Variants in SIPA1L2 observed in about 807,000 individuals in gnomAD.
SIPA1L2 encodes signal induced proliferation associated 1 like 2.
Under a neutral mutation model 163.9 loss-of-function variants are expected in SIPA1L2, and 56 were observed. That is an observed-to-expected ratio of 0.34 (90% CI 0.28 to 0.43). The LOEUF (loss-of-function observed/expected upper bound fraction) is 0.43. Ranked by LOEUF, SIPA1L2 falls within the 20% of genes least tolerant of loss-of-function variation. The probability of loss-of-function intolerance (pLI) is 1.00; values close to 1 mark genes in which losing one functional copy is unlikely to be tolerated. For synonymous variants in SIPA1L2, 877 were observed against 865.7 expected (o/e 1.01, Z -0.23); for missense variants, 1,974 against 2,193.5 (o/e 0.90, Z 2.00).
intron 1 of SIPA1L2, among the ~76,000 whole-genome samples, chr1:232,585,309 ACT>A (rs1660599405): frequency 6.6e-6 from 1 of 152,140 alleles, no homozygotes; most frequent in Admixed American, 6.6e-5. Flanking sequence ...CTGGAGGCTT[ACT>A]CTTATTTTCT....
intron 19 of SIPA1L2, among the ~76,000 whole-genome samples, chr1:232,414,863 T>A (rs1661157652): frequency 6.6e-6 from 1 of 152,210 alleles, no homozygotes; most frequent in Non-Finnish European, 1.5e-5. Flanking sequence ...TCTACCTTTA[T>A]CTGCGAGCTG....
intron 16 of SIPA1L2, among the ~76,000 whole-genome samples, chr1:232,429,608 TAAAA>T (rs35262191): frequency 1.5e-5 from 2 of 137,768 alleles, no homozygotes; most frequent in African/African-American, 2.7e-5. Context: ...ATAGTGGCTG[TAAAA>T]AAAAAAAAAA....
At chr1:232,409,582 G>T (rs1660832296) in intron 19 of SIPA1L2, among the ~76,000 whole-genome samples, 1 of 152,168 alleles carries the variant, frequency 6.6e-6, no homozygotes. Flanking sequence ...CAGGCCTTAA[G>T]ACATCACAGA....
At chr1:232,500,078 C>T (rs1257513938) in intron 3 of SIPA1L2, among the ~76,000 whole-genome samples, 2 of 152,088 alleles carry the variant, frequency 1.3e-5, no homozygotes, top group South Asian at 2.1e-4. Context: ...CCCGGGCTGA[C>T]GCCATTCTCC....
intron 1 of SIPA1L2, among the ~76,000 whole-genome samples, chr1:232,627,656 C>T (rs1663153598): frequency 6.6e-6 from 1 of 152,124 alleles, no homozygotes; most frequent in African/African-American, 2.4e-5. Context: ...ACAATTAAAG[C>T]TCTTTGAGAA....
At position 232,415,560 on chromosome 1, in the gene SIPA1L2, G is replaced by A; in HGVS notation, c.4696C>T (p.Pro1566Ser). ...AACCCTGTGGCTGTGTCCGGGAGGG[G>A]CATCAGGCCAGGATCTGCGCACTTG... is the stretch of plus-strand genomic sequence containing the variant. ...KSKCADPGLM[P>S]LPDTATGLDW... The change falls in exon 19 of 23, where the codon CCC becomes TCC. Residue 1566 changes from proline to serine, a missense_variant. Physicochemically the swap from Pro to Ser is moderately conservative, Grantham distance 74. Coordinates refer to ENST00000674635, the MANE Select transcript of SIPA1L2 (RefSeq NM_020808.5). 2 of 1,613,870 alleles carry A rather than the reference G, an allele frequency of 1.2e-6. No individual in the cohort carries two copies. Among genetic ancestry groups the A allele is most frequent in the Non-Finnish European group, 1.7e-6 (2 of 1,179,890 alleles).
At chr1:232,597,638 C>T (rs1303069746) in intron 1 of SIPA1L2, among the ~76,000 whole-genome samples, 9 of 140,794 alleles carry the variant, frequency 6.4e-5, no homozygotes, top group African/African-American at 1.4e-4. Flanking sequence ...TGCAGTGAGC[C>T]GAGTTTGCGC....
At chr1:232,623,729 C>G (rs1036517371) in intron 1 of SIPA1L2, among the ~76,000 whole-genome samples, 1 of 152,106 alleles carries the variant, frequency 6.6e-6, no homozygotes, top group Non-Finnish European at 1.5e-5. Context: ...AAACCAAGAC[C>G]CACAAGCAAT....
intron 2 of SIPA1L2, among the ~76,000 whole-genome samples, chr1:232,534,370 G>A (rs1657175035): frequency 6.6e-6 from 1 of 152,120 alleles, no homozygotes; most frequent in African/African-American, 2.4e-5. Flanking sequence ...TCAGCTAACG[G>A]CATATACAAA....
chr1:232,474,712 G>C (rs1664953275), intron 7 of SIPA1L2, among the ~76,000 whole-genome samples: 1 of 152,014 alleles, frequency 6.6e-6, no homozygotes, highest in Admixed American at 6.6e-5. Context: ...TCAAAATACA[G>C]CGTGTAACCC....
chr1:232,460,639 G>A (rs1312364139), intron 10 of SIPA1L2, among the ~76,000 whole-genome samples: 1 of 152,108 alleles, frequency 6.6e-6, no homozygotes, highest in Non-Finnish European at 1.5e-5. Flanking sequence ...CAGCTTTAAT[G>A]TAGTCAATGT....
At chr1:232,453,623 C>A (rs918559952) in intron 10 of SIPA1L2, among the ~76,000 whole-genome samples, 3 of 152,088 alleles carry the variant, frequency 2.0e-5, no homozygotes, top group Admixed American at 6.5e-5. Context: ...CAAAGAAAAT[C>A]TCCATTTTTT....
intron 10 of SIPA1L2, 124 bp from the exon 11 acceptor site, chr1:232,445,910 T>C (rs1663190649): frequency 9.8e-7 from 1 of 1,017,244 alleles, no homozygotes; most frequent in Admixed American, 2.3e-5. Flanking sequence ...TCCAAGTCAA[T>C]GATGCAGAGC....
chr1:232,415,685 G>C (rs1661207199), intron 18 of SIPA1L2, 60 bp from the exon 19 acceptor site: 5 of 1,606,622 alleles, frequency 3.1e-6, no homozygotes, highest in South Asian at 1.1e-5. Flanking sequence ...CCAGCCCAGA[G>C]TGAGTCAGAA....
chr1:232,440,244 G>A (rs147905284), intron 14 of SIPA1L2, among the ~76,000 whole-genome samples: 2 of 152,330 alleles, frequency 1.3e-5, no homozygotes, highest in Non-Finnish European at 2.9e-5. Context: ...TACTCATACA[G>A]ACACGGCCTC....
At chr1:232,484,117 C>T (rs2102979415) in intron 5 of SIPA1L2, 151 bp from the exon 6 acceptor site, 1 of 667,674 alleles carries the variant, frequency 1.5e-6, no homozygotes, top group East Asian at 2.9e-5. Context: ...AGGCAACTGC[C>T]ACTGTGAAAG....
chr1:232,464,712 G>GT, intron 9 of SIPA1L2, 128 bp downstream of exon 9: 1 of 763,102 alleles, frequency 1.3e-6, no homozygotes, highest in Non-Finnish European at 2.0e-6. Context: ...ATTAAGCTCT[G>GT]TATCTGTAAC....
chr1:232,471,779 G>C (rs1664813908), intron 7 of SIPA1L2, among the ~76,000 whole-genome samples: 1 of 152,016 alleles, frequency 6.6e-6, no homozygotes, highest in Non-Finnish European at 1.5e-5. Context: ...CTCTCCTTTT[G>C]GTCTTTATCC....
Position 232,415,516 on chromosome 1 carries a change from C to A in SIPA1L2, c.4740G>T (p.Val1580=), listed in dbSNP as rs376922750. The A allele has an allele frequency of 5.0e-6, 8 of 1,612,286 alleles. No individual in the cohort carries two copies. The African/African-American group carries it at 1.1e-4, about 22-fold the overall frequency. Residue 1580 remains valine (V), a synonymous_variant, in exon 19 of 23, where the codon GTG becomes GTT. Transcript: ENST00000674635. Reference sequence around the variant, plus strand: ...TACCTTCAAATGCCCGTGCAGCATCCACGAGGTGGGTCCAATCTAACCCTG... The same window carrying A: ...TACCTTCAAATGCCCGTGCAGCATCAACGAGGTGGGTCCAATCTAACCCTG... The part of the protein sequence containing the change: ...TATGLDWTHL[V]DAARAFEGLD...
Sources: allele counts gnomAD v4.1 joint callset (sites outside exome capture counted in the v4.1 genomes callset), GRCh38; gene constraint gnomAD v4.1.1; transcripts MANE v1.5; gene names NCBI Gene and HGNC (gene_info 2026-07-23, HGNC 2026-07-21).